Variants in ANTXR1 observed in about 807,000 individuals in gnomAD.
The protein encoded by ANTXR1 is anthrax toxin receptor 1.
Under a neutral mutation model 78.1 loss-of-function variants are expected in ANTXR1, and 19 were observed. The ratio of observed to expected loss-of-function variants is 0.24; its 90% CI spans 0.17 to 0.36. The LOEUF is 0.36. Ranked by LOEUF, ANTXR1 falls within the 10% of genes least tolerant of loss-of-function variation. The probability of loss-of-function intolerance (pLI) is 1.00; values close to 1 mark genes in which losing one functional copy is unlikely to be tolerated. For missense variants in ANTXR1, 518 were observed against 718.6 expected (o/e 0.72, Z 3.19); for synonymous variants, 273 against 260.5 (o/e 1.05, Z -0.46).
At chr2:69,070,612 T>C (rs1400625244) in intron 3 of ANTXR1, 35 bp from the exon 4 acceptor site, 16 of 1,602,974 alleles carry the variant, frequency 1.0e-5, no homozygotes, top group Non-Finnish European at 1.4e-5. Context: ...TAAAAAATAC[T>C]CAAATAAGAC....
intron 16 of ANTXR1, among the ~76,000 whole-genome samples, chr2:69,191,970 A>G (rs529056002): frequency 6.6e-6 from 1 of 152,330 alleles, no homozygotes; most frequent in South Asian, 2.1e-4. Flanking sequence ...CACTCATGGA[A>G]GCACCTACCA....
At chr2:69,239,859 C>G (rs1305100521) in intron 17 of ANTXR1, among the ~76,000 whole-genome samples, 2 of 152,218 alleles carry the variant, frequency 1.3e-5, no homozygotes, top group Non-Finnish European at 2.9e-5. Flanking sequence ...ATCTTTCATC[C>G]TGACCATTTC....
intron 17 of ANTXR1, among the ~76,000 whole-genome samples, chr2:69,231,094 A>G (rs1675586953): frequency 6.6e-6 from 1 of 152,222 alleles, no homozygotes; most frequent in African/African-American, 2.4e-5. Context: ...TGCTAAGGAT[A>G]ATGGCCTCCA....
chr2:69,216,955 A>T (rs889079207), intron 17 of ANTXR1, among the ~76,000 whole-genome samples: 5 of 152,212 alleles, frequency 3.3e-5, no homozygotes, highest in Admixed American at 3.3e-4. Context: ...AATTGCAGTT[A>T]AATATCCCAC....
chr2:69,247,240 A>C lies in ANTXR1; in HGVS notation c.*1755A>C, dbSNP rs192582042. 3 of 153,022 alleles carry C rather than the reference A, an allele frequency of 2.0e-5. No individual in the cohort carries two copies. Among genetic ancestry groups the C allele is most frequent in the African/African-American group, 7.2e-5 (3 of 41,450 alleles). 9.5% of individuals were successfully genotyped at this position (153,022 alleles called of 1,614,324 possible). On this transcript the variant is annotated 3_prime_UTR_variant, in exon 18 of 18. Coordinates refer to ENST00000303714, the MANE Select transcript of ANTXR1 (RefSeq NM_032208.3). ...ATGAGAGAAATGAACCCTACTTGCT[A>C]TCTCTATCTTAGAAAGCAAAAACAA...
chr2:69,117,467 T>C (rs533671945), intron 10 of ANTXR1, among the ~76,000 whole-genome samples: 1 of 152,300 alleles, frequency 6.6e-6, no homozygotes, highest in South Asian at 2.1e-4. Flanking sequence ...TGCACCTGTG[T>C]GTATAGATAT....
chr2:69,120,135 C>T (rs887573251), intron 10 of ANTXR1, among the ~76,000 whole-genome samples: 1 of 152,196 alleles, frequency 6.6e-6, no homozygotes, highest in Non-Finnish European at 1.5e-5. Flanking sequence ...TGACATTACC[C>T]TATGGTTGGG....
intron 8 of ANTXR1, among the ~76,000 whole-genome samples, chr2:69,079,117 A>C (rs967391424): frequency 6.6e-6 from 1 of 152,206 alleles, no homozygotes; most frequent in African/African-American, 2.4e-5. Context: ...TTTGCAAAGA[A>C]TATATGCCTC....
At position 69,036,492 on chromosome 2, in the gene ANTXR1, G is replaced by C. The variant is rs1284241090; in HGVS notation, c.153-3552G>C. On this transcript the variant is annotated intron_variant, in intron 1 of 17. Transcript: ENST00000303714. ...TTACTCATTCTTTCTAATTTTTTTT[G>C]TACCCATTAACCATCTTCCCAGTAT... Among the ~76,000 whole-genome samples, 6 of 151,726 alleles carry C rather than the reference G, an allele frequency of 4.0e-5. No homozygotes were observed. In the East Asian group the frequency reaches 1.2e-3, roughly 29 times the overall value.
chr2:69,175,446 C>T (rs1020650107), intron 14 of ANTXR1, among the ~76,000 whole-genome samples: 14 of 150,848 alleles, frequency 9.3e-5, no homozygotes, highest in Admixed American at 9.2e-4. Flanking sequence ...CCCCCGCCCC[C>T]GCCGCCGATA....
chr2:69,179,341 G>C (rs1446527673), intron 14 of ANTXR1, among the ~76,000 whole-genome samples: 1 of 152,006 alleles, frequency 6.6e-6, no homozygotes, highest in African/African-American at 2.4e-5. Flanking sequence ...GAGCCCAGGA[G>C]TTTGTGACCG....
chr2:69,070,806 G>A lies in ANTXR1; in HGVS notation c.378+78G>A, dbSNP rs545834759. On this transcript the variant is annotated intron_variant, in intron 4 of 17. Transcript: ENST00000303714. ...AACATGGGGTGACTGATGAGATAAG[G>A]CACTTATATTAAGAGGGCTGACTAG... 11 of 1,365,768 alleles carry A rather than the reference G, an allele frequency of 8.1e-6. No homozygotes were observed. The South Asian group carries it at 1.3e-4, about 16-fold the overall frequency. The allele number at this position is 1,365,768 out of a possible 1,614,324, so 84.6% of individuals were successfully genotyped here. A position where few individuals can be genotyped will look rare whatever the true frequency, so the allele number is the denominator to read the frequency against.
chr2:69,142,637 G>T (rs1348424021), intron 12 of ANTXR1, among the ~76,000 whole-genome samples: 1 of 152,146 alleles, frequency 6.6e-6, no homozygotes, highest in Non-Finnish European at 1.5e-5. Flanking sequence ...CACATGGTAG[G>T]TGTTCAATAA....
intron 9 of ANTXR1, among the ~76,000 whole-genome samples, chr2:69,094,726 C>T (rs192743627): frequency 2.6e-5 from 4 of 152,312 alleles, no homozygotes; most frequent in Admixed American, 2.6e-4. Context: ...GCAAACTGAG[C>T]TCTGGGCGAG....
At chr2:69,238,758 G>A (rs182293697) in intron 17 of ANTXR1, among the ~76,000 whole-genome samples, 8 of 152,288 alleles carry the variant, frequency 5.3e-5, no homozygotes, top group Admixed American at 3.9e-4. Flanking sequence ...GAGGAAACTT[G>A]GCATGTATGT....
intron 3 of ANTXR1, among the ~76,000 whole-genome samples, chr2:69,069,653 G>A (rs1264465552): frequency 6.6e-6 from 1 of 152,140 alleles, no homozygotes; most frequent in Non-Finnish European, 1.5e-5. Context: ...CTGAGCCCAA[G>A]TTTTCTTACC....
chr2:69,168,940 A>C (rs1237803240), intron 13 of ANTXR1, among the ~76,000 whole-genome samples: 1 of 152,232 alleles, frequency 6.6e-6, no homozygotes, highest in Non-Finnish European at 1.5e-5. Flanking sequence ...AGAGGACTGG[A>C]GTCTTGGGCC....
intron 9 of ANTXR1, 61 bp from the exon 10 acceptor site, chr2:69,102,781 C>A: frequency 1.4e-6 from 2 of 1,454,734 alleles, no homozygotes. Flanking sequence ...TAAATCAGGG[C>A]AGATGCGAAG....
chr2:69,034,650 A>G (rs962196286), intron 1 of ANTXR1, among the ~76,000 whole-genome samples: 7 of 152,232 alleles, frequency 4.6e-5, no homozygotes, highest in African/African-American at 7.2e-5. Flanking sequence ...CCCAGCAGTT[A>G]CGTGTTAAAG....
Sources: allele counts gnomAD v4.1 joint callset (sites outside exome capture counted in the v4.1 genomes callset), GRCh38; gene constraint gnomAD v4.1.1; transcripts MANE v1.5; gene names NCBI Gene and HGNC (gene_info 2026-07-23, HGNC 2026-07-21).